Variants in CDKN2B-AS1 observed in about 807,000 individuals in gnomAD.
CDKN2B-AS1 encodes CDKN2B antisense RNA 1 (non-protein coding).
intron 1 of CDKN2B-AS1, among the ~76,000 whole-genome samples, chr9:22,043,163 T>C (rs1587447157): frequency 6.6e-6 from 1 of 152,204 alleles, no homozygotes; most frequent in East Asian, 1.9e-4. Flanking sequence ...AAACATGTAT[T>C]GAGTGCTACT....
chr9:22,009,008 T>C (rs1328039743), intron 1 of CDKN2B-AS1: 2 of 1,610,926 alleles, frequency 1.2e-6, no homozygotes, highest in East Asian at 4.5e-5. Context: ...GCCGTAAACT[T>C]AACGACACTC....
chr9:22,051,716 G>A (rs1823352704), intron 3 of CDKN2B-AS1, among the ~76,000 whole-genome samples: 2 of 152,046 alleles, frequency 1.3e-5, no homozygotes, highest in Admixed American at 1.3e-4. Flanking sequence ...TTCATAAAAA[G>A]TTGGAGATTT....
rs182826696 is a variant in CDKN2B-AS1, at chr9:21,997,519, A to T, written n.29+2358A>T. ...AGAGAGAGAGAAAGAGAAAGAGAGA[A>T]AATACTTATTTTAAGGAATTGTCTC... On this transcript the variant is annotated intron_variant and non_coding_transcript_variant, in intron 1 of 4. Transcript: ENST00000650946. This position sits in a 1 kb window ranked among gnomAD's most constrained non-coding sequence, Gnocchi z 4.8. Among the ~76,000 whole-genome samples, 205 of 151,800 alleles carry T rather than the reference A, an allele frequency of 1.4e-3. 2 individuals are homozygous for T. Among genetic ancestry groups the T allele is most frequent in the Middle Eastern group, 6.8e-3 (2 of 294 alleles).
intron 4 of CDKN2B-AS1, among the ~76,000 whole-genome samples, chr9:22,068,927 C>G (rs1824176206): frequency 6.6e-6 from 1 of 152,184 alleles, no homozygotes; most frequent in Non-Finnish European, 1.5e-5. Flanking sequence ...TACAGTGAAT[C>G]ATGGGAATTA....
At chr9:22,015,923 C>T (rs1821733668) in intron 1 of CDKN2B-AS1, among the ~76,000 whole-genome samples, 1 of 152,158 alleles carries the variant, frequency 6.6e-6, no homozygotes, top group African/African-American at 2.4e-5. Context: ...ATATCCTTCG[C>T]CCATTTTTTG....
At chr9:22,108,488 A>G (rs1161823621) in intron 4 of CDKN2B-AS1, among the ~76,000 whole-genome samples, 1 of 152,220 alleles carries the variant, frequency 6.6e-6, no homozygotes, top group East Asian at 1.9e-4. Context: ...TATTTAAGTT[A>G]TAAGGTAGTT....
At chr9:22,070,068 T>C (rs1042633113) in intron 4 of CDKN2B-AS1, among the ~76,000 whole-genome samples, 1 of 152,178 alleles carries the variant, frequency 6.6e-6, no homozygotes, top group Non-Finnish European at 1.5e-5. Context: ...ATGAACACTA[T>C]CCTCACAATG....
At chr9:22,074,517 A>C (rs924769311) in intron 4 of CDKN2B-AS1, among the ~76,000 whole-genome samples, 1 of 152,198 alleles carries the variant, frequency 6.6e-6, no homozygotes, top group Non-Finnish European at 1.5e-5. Flanking sequence ...ATATATATCC[A>C]AGTAAACTTC....
At position 21,996,029 on chromosome 9, in the gene CDKN2B-AS1, T is replaced by C. The variant is rs368992897; in HGVS notation, n.29+868T>C. On this transcript the variant is annotated intron_variant and non_coding_transcript_variant, in intron 1 of 4. Transcript: ENST00000650946. This position sits in a 1 kb window ranked among gnomAD's most constrained non-coding sequence, Gnocchi z 5.4. ...CATGCGCTTGGGCCTAGTGGCCTAGTTGAAGAAGTGGAACCACAGCGTGAG... is the reference window on the plus strand; with the variant it reads ...CATGCGCTTGGGCCTAGTGGCCTAGCTGAAGAAGTGGAACCACAGCGTGAG... 6.6e-6 allele frequency: 1 copy of C among 152,490 alleles called. No individual in the cohort carries two copies. Among genetic ancestry groups the C allele is most frequent in the Admixed American group, 6.5e-5 (1 of 15,290 alleles). 9.4% of individuals were successfully genotyped at this position (152,490 alleles called of 1,614,324 possible).
At chr9:22,058,485 C>T (rs1046070872) in intron 4 of CDKN2B-AS1, 6 of 152,312 alleles carry the variant, frequency 3.9e-5, no homozygotes, top group African/African-American at 1.4e-4. Context: ...TATTCTGTTG[C>T]CATTTGAATC....
intron 4 of CDKN2B-AS1, among the ~76,000 whole-genome samples, chr9:22,126,069 C>A (rs1269482170): frequency 6.6e-6 from 1 of 152,160 alleles, no homozygotes; most frequent in African/African-American, 2.4e-5. Flanking sequence ...TTTTGACTCC[C>A]CCAAAACTTT....
chr9:22,042,592 G>A (rs954140572), intron 1 of CDKN2B-AS1, among the ~76,000 whole-genome samples: 2 of 152,024 alleles, frequency 1.3e-5, no homozygotes, highest in African/African-American at 4.8e-5. Flanking sequence ...TTGCCCCATG[G>A]CCACCACTGT....
intron 1 of CDKN2B-AS1, chr9:22,008,565 T>G: frequency 2.1e-5 from 24 of 1,158,100 alleles, no homozygotes; most frequent in Non-Finnish European, 2.9e-5. Context: ...TCTCTGATCA[T>G]GAGATGGCAG....
At chr9:22,017,236 C>T (rs537192240) in intron 1 of CDKN2B-AS1, among the ~76,000 whole-genome samples, 2 of 152,216 alleles carry the variant, frequency 1.3e-5, no homozygotes, top group African/African-American at 4.8e-5. Context: ...ACCAGCCTGG[C>T]CAATATGGTG....
chr9:22,023,976 G>T (rs1173987146), intron 1 of CDKN2B-AS1, among the ~76,000 whole-genome samples: 1 of 152,138 alleles, frequency 6.6e-6, no homozygotes, highest in Non-Finnish European at 1.5e-5. Flanking sequence ...CTGAACGCTT[G>T]CCAGAGAGGT....
At chr9:21,998,491 C>A (rs1344631257) in intron 1 of CDKN2B-AS1, among the ~76,000 whole-genome samples, 1 of 152,190 alleles carries the variant, frequency 6.6e-6, no homozygotes, top group Non-Finnish European at 1.5e-5. Flanking sequence ...GGGTTACAAG[C>A]CTTGTGCCTT....
chr9:22,124,187 C>T lies in CDKN2B-AS1; in HGVS notation n.439-2916C>T, dbSNP rs564291572. On this transcript the variant is annotated intron_variant and non_coding_transcript_variant, in intron 4 of 4. Transcript: ENST00000650946. ...GAAGATTAATTACACTTTCTGAGGTCGCAACTAAAAGCCAAGATTTTAATC... is the reference window on the plus strand; with the variant it reads ...GAAGATTAATTACACTTTCTGAGGTTGCAACTAAAAGCCAAGATTTTAATC... Among the ~76,000 whole-genome samples the T allele has an allele frequency of 6.0e-4, 91 of 152,206 alleles. 1 individual carries two copies. Among genetic ancestry groups the T allele is most frequent in the African/African-American group, 2.0e-3 (83 of 41,530 alleles).
chr9:22,044,060 G>A (rs1333035), intron 1 of CDKN2B-AS1, among the ~76,000 whole-genome samples: 130,519 of 151,990 alleles, frequency 0.86, 56,236 homozygotes, highest in Admixed American at 0.9. Flanking sequence ...TTAGCCATGA[G>A]TATCAGATAA....
In CDKN2B-AS1 at chr9:22,000,771, C is replaced by G. The variant is rs3218003; in HGVS notation, n.29+5610C>G. 0.042 allele frequency among the ~76,000 whole-genome samples: 6,447 copies of G among 152,112 alleles called. 375 individuals carry two copies. The highest frequency in any genetic ancestry group is 0.13 in the African/African-American group (5,480 of 41,442). ...TAAAATATATAATAACAAACAATAA[C>G]AGTACTTGCAGCTTAATTAAAGAAA... On this transcript the variant is annotated intron_variant and non_coding_transcript_variant, in intron 1 of 4. Coordinates refer to ENST00000650946, the Ensembl canonical transcript of CDKN2B-AS1. The surrounding 1 kb of genome is among the most constrained non-coding windows in gnomAD (Gnocchi z 4.1).
Sources: allele counts gnomAD v4.1 joint callset (sites outside exome capture counted in the v4.1 genomes callset), GRCh38; gene constraint gnomAD v4.1.1; non-coding constraint Gnocchi (gnomAD v3.1); transcripts MANE v1.5; gene names NCBI Gene and HGNC (gene_info 2026-07-23, HGNC 2026-07-21).